The following BNC2 variants were observed in gnomAD, a reference collection of about 807,000 sequenced individuals.
The protein encoded by BNC2 is zinc finger protein basonuclin-2.
In BNC2, 20 loss-of-function variants were observed where a neutral mutation model predicts 76.3. The observed-to-expected ratio is 0.26, with a 90% confidence interval of 0.18 to 0.38. The LOEUF (loss-of-function observed/expected upper bound fraction) is 0.38, where lower values mean the gene tolerates loss of function less well. Among genes scored for constraint, BNC2 ranks in the 10% least tolerant of loss-of-function variants. The pLI, the probability that BNC2 is intolerant of heterozygous loss-of-function variation, is 1.00. For missense variants in BNC2, 1,382 were observed against 1,399.8 expected (o/e 0.99, Z 0.20); for synonymous variants, 582 against 514.8 (o/e 1.13, Z -1.77).
intron 1 of BNC2, among the ~76,000 whole-genome samples, chr9:16,784,545 A>G (rs1826231646): frequency 6.6e-6 from 1 of 152,158 alleles, no homozygotes; most frequent in African/African-American, 2.4e-5. Flanking sequence ...GTAGAAAGGT[A>G]AGCAAGCCTA....
chr9:16,558,726 C>T (rs1253780152), intron 4 of BNC2, among the ~76,000 whole-genome samples: 5 of 151,998 alleles, frequency 3.3e-5, no homozygotes, highest in African/African-American at 9.7e-5. Context: ...GTTAGGAGTT[C>T]GAGACCAACC....
In BNC2 at chr9:16,573,242, A is replaced by G. The variant is rs540453171; in HGVS notation, c.433+9741T>C. Among the ~76,000 whole-genome samples, 117 of 151,964 alleles carry G rather than the reference A, an allele frequency of 7.7e-4. 1 individual carries two copies. In the South Asian group the frequency reaches 8.9e-3, roughly 12 times the overall value. On this transcript the variant is annotated intron_variant, in intron 4 of 6. Coordinates refer to ENST00000380672, the MANE Select transcript of BNC2 (RefSeq NM_017637.6). ...GTCTCAAAAAAAAAAAAAAAACAGA[A>G]AAAGAAAAAGAAAGAAATATAATTC...
At chr9:16,641,520 T>A (rs1199975224) in intron 3 of BNC2, among the ~76,000 whole-genome samples, 2 of 152,242 alleles carry the variant, frequency 1.3e-5, no homozygotes, top group African/African-American at 4.8e-5. Flanking sequence ...ATTAATTTCC[T>A]GATTGTTTAG....
intron 5 of BNC2, among the ~76,000 whole-genome samples, chr9:16,469,493 C>T (rs1365794016): frequency 6.6e-6 from 1 of 152,208 alleles, no homozygotes; most frequent in African/African-American, 2.4e-5. Flanking sequence ...CCTCCTTAGC[C>T]ATGGGGAACT....
intron 5 of BNC2, among the ~76,000 whole-genome samples, chr9:16,479,165 C>G: frequency 6.6e-6 from 1 of 150,676 alleles, no homozygotes; most frequent in South Asian, 2.1e-4. Context: ...GGCAGGAGAA[C>G]TGCTTGAATC....
intron 5 of BNC2, among the ~76,000 whole-genome samples, chr9:16,498,059 TCA>T (rs1822431375): frequency 6.8e-6 from 1 of 146,910 alleles, no homozygotes; most frequent in African/African-American, 2.5e-5. Flanking sequence ...ATATATTCCA[TCA>T]TATATATATA....
At chr9:16,822,863 T>C (rs546395903) in intron 1 of BNC2, among the ~76,000 whole-genome samples, 4 of 152,162 alleles carry the variant, frequency 2.6e-5, no homozygotes, top group Non-Finnish European at 5.9e-5. Flanking sequence ...ATTTGAATAT[T>C]TTTTTAAGCC....
intron 3 of BNC2, among the ~76,000 whole-genome samples, chr9:16,664,080 AAAT>A (rs1822193020): frequency 6.6e-6 from 1 of 152,156 alleles, no homozygotes; most frequent in African/African-American, 2.4e-5. Context: ...CTGCTTCTCG[AAAT>A]AATAGGCCTT....
At chr9:16,677,595 A>ACACACACACACACACACACACC (rs1396977328) in intron 3 of BNC2, among the ~76,000 whole-genome samples, 1 of 151,624 alleles carries the variant, frequency 6.6e-6, no homozygotes, top group African/African-American at 2.4e-5. Flanking sequence ...ACACACACAC[A>ACACACACACACACACACACACC]CACACACACA....
intron 1 of BNC2, among the ~76,000 whole-genome samples, chr9:16,854,750 T>C (rs1313051041): frequency 1.3e-5 from 2 of 151,788 alleles, no homozygotes; most frequent in Admixed American, 6.6e-5. Context: ...TTGCCTAATA[T>C]CTGCTTGAGA....
chr9:16,806,579 A>C (rs1255429067), intron 1 of BNC2, among the ~76,000 whole-genome samples: 2 of 152,132 alleles, frequency 1.3e-5, no homozygotes, highest in Admixed American at 1.3e-4. Context: ...ACCCAGGCAA[A>C]GTTGTATATG....
chr9:16,457,825 C>T (rs572051643), intron 5 of BNC2, among the ~76,000 whole-genome samples: 8 of 152,212 alleles, frequency 5.3e-5, no homozygotes, highest in African/African-American at 1.9e-4. Flanking sequence ...GGCAAGCAGG[C>T]CTCCCTAAAG....
In BNC2 at chr9:16,418,208, T is replaced by C. The variant is rs1458904927; in HGVS notation, c.*781A>G. Reference sequence around the variant, plus strand: ...ATTTATGTACTAGTACAGGACATTTTAAAAAATCAGATCTGTGCTGTAAAG... The same window carrying C: ...ATTTATGTACTAGTACAGGACATTTCAAAAAATCAGATCTGTGCTGTAAAG... On this transcript the variant is annotated 3_prime_UTR_variant, in exon 7 of 7. Coordinates refer to ENST00000380672, the MANE Select transcript of BNC2 (RefSeq NM_017637.6). 1 of 152,650 alleles carries C rather than the reference T, an allele frequency of 6.6e-6. No individual in the cohort carries two copies. The highest frequency in any genetic ancestry group is 6.5e-5 in the Admixed American group (1 of 15,290). The allele number at this position is 152,650 out of a possible 1,614,324, so 9.5% of individuals were successfully genotyped here.
At chr9:16,860,638 A>G (rs1159478894) in intron 1 of BNC2, among the ~76,000 whole-genome samples, 1 of 152,250 alleles carries the variant, frequency 6.6e-6, no homozygotes, top group Non-Finnish European at 1.5e-5. Flanking sequence ...TGGGTTAGAC[A>G]ATAGTTTCTT....
At chr9:16,670,354 C>CA (rs1822439159) in intron 3 of BNC2, among the ~76,000 whole-genome samples, 1 of 152,150 alleles carries the variant, frequency 6.6e-6, no homozygotes, top group Non-Finnish European at 1.5e-5. Context: ...CTCACTCTGT[C>CA]ACCCAGGCTG....
intron 1 of BNC2, among the ~76,000 whole-genome samples, chr9:16,748,496 A>G (rs1825076151): frequency 6.6e-6 from 1 of 152,066 alleles, no homozygotes; most frequent in African/African-American, 2.4e-5. Context: ...CCTGGGAGAC[A>G]GAGTGAGACA....
At chr9:16,639,838 C>T (rs1587263933) in intron 3 of BNC2, among the ~76,000 whole-genome samples, 1 of 152,004 alleles carries the variant, frequency 6.6e-6, no homozygotes. Flanking sequence ...AGGAGGACTG[C>T]GTAAGCCCAG....
chr9:16,497,310 G>C (rs1454618907), intron 5 of BNC2, among the ~76,000 whole-genome samples: 1 of 152,212 alleles, frequency 6.6e-6, no homozygotes, highest in East Asian at 1.9e-4. Flanking sequence ...CTGTGAAGTA[G>C]ATGTAGGTAG....
chr9:16,690,883 A>G (rs763594883), intron 3 of BNC2, among the ~76,000 whole-genome samples: 24 of 152,168 alleles, frequency 1.6e-4, no homozygotes, highest in Non-Finnish European at 2.4e-4. Context: ...AGCAGGCACA[A>G]TGTCCTCACA....
Sources: allele counts gnomAD v4.1 joint callset (sites outside exome capture counted in the v4.1 genomes callset), GRCh38; gene constraint gnomAD v4.1.1; transcripts MANE v1.5; gene names NCBI Gene and HGNC (gene_info 2026-07-23, HGNC 2026-07-21).